Variants in GPR39 observed in about 807,000 individuals in gnomAD.
GPR39 encodes G protein-coupled receptor 39.
GPR39 carries 23 observed loss-of-function variants against 18.4 expected under a neutral mutation model. That is an observed-to-expected ratio of 1.25 (90% CI 0.90 to 1.77). The LOEUF (loss-of-function observed/expected upper bound fraction) is 1.77. Among genes scored for constraint, GPR39 ranks in the 40% most tolerant of loss-of-function variants. The probability of loss-of-function intolerance (pLI) is 0.00; values close to 1 mark genes in which losing one functional copy is unlikely to be tolerated. For synonymous variants in GPR39, 280 were observed against 257.9 expected (o/e 1.09, Z -0.82); for missense variants, 647 against 602.4 (o/e 1.07, Z -0.78).
chr2:132,427,938 TTA>T (rs1344192095), intron 1 of GPR39, among the ~76,000 whole-genome samples: 4 of 146,522 alleles, frequency 2.7e-5, no homozygotes, highest in African/African-American at 7.4e-5. Flanking sequence ...TTATATATAG[TTA>T]TATATATTAT....
intron 1 of GPR39, among the ~76,000 whole-genome samples, chr2:132,635,819 A>T (rs2104874539): frequency 6.6e-6 from 1 of 152,244 alleles, no homozygotes; most frequent in East Asian, 1.9e-4. Flanking sequence ...TGGGACTCTG[A>T]ATAGGACGAG....
chr2:132,567,493 G>A (rs936967168), intron 1 of GPR39, among the ~76,000 whole-genome samples: 1 of 152,208 alleles, frequency 6.6e-6, no homozygotes, highest in Non-Finnish European at 1.5e-5. Context: ...CCCTCTCTCT[G>A]TGCGATGCCC....
In GPR39 at chr2:132,645,967, A is replaced by C; in HGVS notation, c.*361A>C. On this transcript the variant is annotated 3_prime_UTR_variant, in exon 2 of 2. Transcript: ENST00000329321. ...CCCAGAATAAAAGGACACCCAGAAG[A>C]AACTCACTCAGGGAGGTGGGGGGTT... 9.1e-7 allele frequency: 1 copy of C among 1,098,540 alleles called. No homozygotes were observed. Among genetic ancestry groups the C allele is most frequent in the Non-Finnish European group, 1.3e-6 (1 of 774,192 alleles). The allele number at this position is 1,098,540 out of a possible 1,614,324, so 68.0% of individuals were successfully genotyped here.
chr2:132,614,581 C>A (rs146648383), intron 1 of GPR39, among the ~76,000 whole-genome samples: 1 of 147,232 alleles, frequency 6.8e-6, no homozygotes, highest in East Asian at 2.1e-4. Flanking sequence ...GATGGAGTCT[C>A]GCCCTGTTGC....
At chr2:132,493,425 C>T (rs2104798446) in intron 1 of GPR39, among the ~76,000 whole-genome samples, 1 of 141,466 alleles carries the variant, frequency 7.1e-6, no homozygotes, top group East Asian at 2.0e-4. Flanking sequence ...TATACACACG[C>T]CATATATACA....
At chr2:132,493,653 G>C (rs1369587416) in intron 1 of GPR39, among the ~76,000 whole-genome samples, 1 of 151,614 alleles carries the variant, frequency 6.6e-6, no homozygotes, top group Non-Finnish European at 1.5e-5. Flanking sequence ...GTGACCACAT[G>C]AATGTAGGCC....
At chr2:132,561,615 C>G (rs959020632) in intron 1 of GPR39, among the ~76,000 whole-genome samples, 4 of 141,480 alleles carry the variant, frequency 2.8e-5, no homozygotes, top group South Asian at 2.3e-4. Flanking sequence ...CACACACACA[C>G]AGATAAGGAA....
chr2:132,542,111 G>A (rs769650253), intron 1 of GPR39, among the ~76,000 whole-genome samples: 4 of 152,054 alleles, frequency 2.6e-5, no homozygotes, highest in Admixed American at 6.5e-5. Context: ...ATTGAATTGG[G>A]GGTTAAGTTT....
At chr2:132,538,123 G>A (rs1268159707) in intron 1 of GPR39, among the ~76,000 whole-genome samples, 1 of 152,044 alleles carries the variant, frequency 6.6e-6, no homozygotes, top group Non-Finnish European at 1.5e-5. Context: ...AGGAGAAGAG[G>A]CACTCTGGCA....
chr2:132,457,985 G>A (rs1158058833), intron 1 of GPR39, among the ~76,000 whole-genome samples: 2 of 152,202 alleles, frequency 1.3e-5, no homozygotes, highest in East Asian at 3.9e-4. Context: ...TAAGACCTTG[G>A]GAAAAGCACA....
chr2:132,508,883 G>T (rs938592048), intron 1 of GPR39, among the ~76,000 whole-genome samples: 2 of 152,186 alleles, frequency 1.3e-5, no homozygotes, highest in Non-Finnish European at 2.9e-5. Context: ...GTCCATACCT[G>T]TTGGACTAGG....
chr2:132,435,205 T>C (rs1033567613), intron 1 of GPR39, among the ~76,000 whole-genome samples: 13 of 152,240 alleles, frequency 8.5e-5, no homozygotes, highest in African/African-American at 2.9e-4. Context: ...TTCTGTAAAG[T>C]TGACCCGAGT....
At chr2:132,616,862 A>C (rs1681344281) in intron 1 of GPR39, among the ~76,000 whole-genome samples, 2 of 152,242 alleles carry the variant, frequency 1.3e-5, no homozygotes, top group Admixed American at 1.3e-4. Flanking sequence ...GCAGAAATTG[A>C]AACACGCTTT....
At chr2:132,536,086 A>G (rs1679754160) in intron 1 of GPR39, among the ~76,000 whole-genome samples, 1 of 147,102 alleles carries the variant, frequency 6.8e-6, no homozygotes, top group Non-Finnish European at 1.5e-5. Context: ...TTCTGGTCTG[A>G]TCTTAGTTAT....
chr2:132,633,338 C>CTGTGTGTGTGTGTGTG (rs55722602), intron 1 of GPR39, among the ~76,000 whole-genome samples: 7 of 139,200 alleles, frequency 5.0e-5, no homozygotes, highest in African/African-American at 1.9e-4. Flanking sequence ...CCAAATACCT[C>CTGTGTGTGTGTGTGTG]TGTGTGTGTG....
At chr2:132,604,514 G>T (rs1395230082) in intron 1 of GPR39, 1 of 152,206 alleles carries the variant, frequency 6.6e-6, no homozygotes, top group Non-Finnish European at 1.5e-5. Flanking sequence ...ACAGCATACA[G>T]TCCCATGCTG....
chr2:132,577,838 T>G (rs1258332652), intron 1 of GPR39, among the ~76,000 whole-genome samples: 1 of 152,208 alleles, frequency 6.6e-6, no homozygotes. Context: ...GCAGTTTTAC[T>G]TCTTCATTTT....
At position 132,471,103 on chromosome 2, in the gene GPR39, G is replaced by A. The variant is rs368481350; in HGVS notation, c.856+53205G>A. On this transcript the variant is annotated intron_variant, in intron 1 of 1. Coordinates refer to ENST00000329321, the MANE Select transcript of GPR39 (RefSeq NM_001508.3). The stretch of plus-strand genomic sequence containing the variant: ...GAGCACTGCAATCCCAGGGCAGTGG[G>A]AGTGTGGGGCAAAGAAAGTGAGGCC... Among the ~76,000 whole-genome samples, 15 of 152,298 alleles carry A rather than the reference G, an allele frequency of 9.8e-5. No homozygotes were observed. In the East Asian group the frequency reaches 1.7e-3, roughly 18 times the overall value.
intron 1 of GPR39, among the ~76,000 whole-genome samples, chr2:132,471,117 G>C (rs982474758): frequency 7.9e-5 from 12 of 152,172 alleles, no homozygotes; most frequent in African/African-American, 2.9e-4. Context: ...GTGGGGCAAA[G>C]AAAGTGAGGC....
Sources: gnomAD v4.1 joint callset for allele counts (sites outside exome capture counted in the v4.1 genomes callset) on GRCh38, gnomAD v4.1.1 for gene constraint, MANE v1.5 for transcripts, NCBI Gene and HGNC (gene_info 2026-07-23, HGNC 2026-07-21) for gene names.